The following MTM1 variants were observed in gnomAD, a reference collection of about 807,000 sequenced individuals.
The protein encoded by MTM1 is myotubularin.
Under a neutral mutation model 52.1 loss-of-function variants are expected in MTM1, and 9 were observed. That is an observed-to-expected ratio of 0.17 (90% CI 0.10 to 0.30). The LOEUF is 0.30. Among genes scored for constraint, MTM1 ranks in the 10% least tolerant of loss-of-function variants. The pLI, the probability that MTM1 is intolerant of heterozygous loss-of-function variation, is 1.00. For missense variants in MTM1, 277 were observed against 470.7 expected, an observed-to-expected ratio of 0.59 and a Z score of 3.81; for synonymous variants, 136 against 163.8, an observed-to-expected ratio of 0.83 and a Z score of 1.29.
chrX:150,595,060 A>G (rs1429122756), intron 2 of MTM1, among the ~76,000 whole-genome samples: 3 of 109,343 alleles, frequency 2.7e-5, no homozygotes, highest in African/African-American at 1.0e-4. Context: ...AAAAAAAAAC[A>G]TTAAAGATTC....
chrX:150,573,181 T>C (rs2038409896), intron 1 of MTM1, among the ~76,000 whole-genome samples: 1 of 112,588 alleles, frequency 8.9e-6, no homozygotes, highest in Non-Finnish European at 1.9e-5. Context: ...TTCTGTTGCA[T>C]GTCTAGAGAT....
At chrX:150,579,947 A>G (rs938498819) in intron 1 of MTM1, among the ~76,000 whole-genome samples, 7 of 111,493 alleles carry the variant, frequency 6.3e-5, no homozygotes, top group African/African-American at 2.3e-4. Flanking sequence ...TTTTTTTTGC[A>G]TACATGATTA....
chrX:150,613,158 A>G (rs1370611620), intron 4 of MTM1, among the ~76,000 whole-genome samples: 2 of 109,146 alleles, frequency 1.8e-5, no homozygotes, highest in African/African-American at 6.7e-5. Flanking sequence ...AAAAGGGGGG[A>G]AAGAAAAGAA....
At chrX:150,663,245 A>G (rs903619919) in intron 13 of MTM1, among the ~76,000 whole-genome samples, 188 bp from the exon 14 acceptor site, 3 of 112,166 alleles carry the variant, frequency 2.7e-5, no homozygotes, top group Non-Finnish European at 1.9e-5. Context: ...GCCATTACCT[A>G]TGCAAATATC....
upstream of MTM1, among the ~76,000 whole-genome samples, chrX:150,566,651 T>C (rs141985524): frequency 9.1e-6 from 1 of 110,494 alleles, no homozygotes; most frequent in African/African-American, 3.3e-5. Context: ...TCTTCAGGAA[T>C]TACCTCCTTA....
intron 14 of MTM1, 99 bp from the exon 15 acceptor site, chrX:150,671,329 C>A: frequency 1.0e-6 from 1 of 973,420 alleles, no homozygotes; most frequent in Non-Finnish European, 1.5e-6. Flanking sequence ...GAGTAAAGGG[C>A]TTATTTACAA....
intron 9 of MTM1, among the ~76,000 whole-genome samples, chrX:150,646,187 A>T (rs957456233): frequency 1.8e-5 from 2 of 112,058 alleles, no homozygotes; most frequent in Non-Finnish European, 3.8e-5. Context: ...CATTGTGTAC[A>T]CTATTGGGGC....
At position 150,596,694 on chromosome X, in the gene MTM1, C is replaced by T. The variant is rs940261816; in HGVS notation, c.136+124C>T. 1.2e-4 allele frequency: 64 copies of T among 527,574 alleles called. 1 individual carries two copies. In the Admixed American group the frequency reaches 1.7e-3, roughly 14 times the overall value. The allele number at this position is 527,574 out of a possible 1,213,427, so 43.5% of individuals were successfully genotyped here. ...CAAATAGGCTACCTTTGTTTAGAAG[C>T]GTTAACACAGAACTCTCTGCATCCC... On this transcript the variant is annotated intron_variant, in intron 3 of 14. Transcript: ENST00000370396.
chrX:150,584,404 G>C (rs782123371), intron 1 of MTM1, among the ~76,000 whole-genome samples: 127 of 111,285 alleles, frequency 1.1e-3, no homozygotes, highest in African/African-American at 4.0e-3. Context: ...ATGTATACAT[G>C]TGGAAAATTT....
chrX:150,588,644 A>G (rs1394247379), intron 1 of MTM1, among the ~76,000 whole-genome samples: 2 of 112,010 alleles, frequency 1.8e-5, no homozygotes, highest in Middle Eastern at 4.6e-3. Context: ...CAACTGACCA[A>G]TCCCAGCCCC....
In MTM1 at chrX:150,620,883, G is replaced by A. The variant is rs1053794317; in HGVS notation, c.444+1744G>A. ...TGTAATCCCAGCACTTTGGGAGGCC[G>A]AGGAGGATGGATCACTTGAGGTCAG... On this transcript the variant is annotated intron_variant, in intron 6 of 14. Transcript: ENST00000370396. Among the ~76,000 whole-genome samples the A allele has an allele frequency of 4.5e-5, 5 of 110,723 alleles. No individual in the cohort carries two copies. In the East Asian group the frequency reaches 8.5e-4, roughly 19 times the overall value.
intron 4 of MTM1, among the ~76,000 whole-genome samples, chrX:150,610,584 C>T (rs1057117607): frequency 9.6e-4 from 108 of 112,084 alleles, no homozygotes; most frequent in African/African-American, 3.3e-3. Context: ...CTCAGGTATC[C>T]AGAAAGTTCA....
At chrX:150,619,369 C>T in intron 6 of MTM1, among the ~76,000 whole-genome samples, 1 of 111,950 alleles carries the variant, frequency 8.9e-6, no homozygotes, top group South Asian at 3.7e-4. Flanking sequence ...TTTGTGGCTC[C>T]AATTGTAAAT....
chrX:150,603,968 T>A (rs1293243451), intron 4 of MTM1, among the ~76,000 whole-genome samples: 2 of 111,397 alleles, frequency 1.8e-5, no homozygotes, highest in African/African-American at 6.6e-5. Flanking sequence ...GTGATGGAAG[T>A]CAGTAGGAGA....
At chrX:150,597,457 T>G (rs782660800) in intron 3 of MTM1, among the ~76,000 whole-genome samples, 1 of 111,913 alleles carries the variant, frequency 8.9e-6, no homozygotes, top group South Asian at 3.7e-4. Flanking sequence ...AAGAAGATAT[T>G]TTACTTTTGA....
chrX:150,615,588 T>C (rs782661151), intron 5 of MTM1, among the ~76,000 whole-genome samples: 63 of 111,674 alleles, frequency 5.6e-4, no homozygotes, highest in African/African-American at 2.0e-3. Flanking sequence ...GTGAGGCCTT[T>C]GCTGTGTGAG....
At chrX:150,586,687 G>A (rs1216170905) in intron 1 of MTM1, among the ~76,000 whole-genome samples, 1 of 111,036 alleles carries the variant, frequency 9.0e-6, no homozygotes, top group African/African-American at 3.3e-5. Context: ...GCCGATGTGG[G>A]CGGATCACTT....
chrX:150,668,082 G>C (rs2040332477), intron 14 of MTM1, among the ~76,000 whole-genome samples: 1 of 112,624 alleles, frequency 8.9e-6, no homozygotes, highest in Non-Finnish European at 1.9e-5. Flanking sequence ...GAGGAGAGAA[G>C]GCCATGTGAA....
At chrX:150,606,870 CTTCCCTCCCTTCCCTGGG>C (rs1317581208) in intron 4 of MTM1, among the ~76,000 whole-genome samples, 13 of 80,317 alleles carry the variant, frequency 1.6e-4, no homozygotes, top group Admixed American at 2.6e-4. Context: ...TCTTCCCTTC[CTTCCCTCCCTTCCCTGGG>C]TTCCCTCCCT....
Sources: allele counts gnomAD v4.1 joint callset (sites outside exome capture counted in the v4.1 genomes callset), GRCh38; gene constraint gnomAD v4.1.1; transcripts MANE v1.5; gene names NCBI Gene and HGNC (gene_info 2026-07-23, HGNC 2026-07-21).